The following VPS13A variants were observed in gnomAD, a reference collection of about 807,000 sequenced individuals.
VPS13A encodes the protein vacuolar protein sorting 13 homolog A.
VPS13A carries 264 observed loss-of-function variants against 390.9 expected under a neutral mutation model. The ratio of observed to expected loss-of-function variants is 0.68; its 90% CI spans 0.61 to 0.75. The LOEUF is 0.75. VPS13A is among the 30% of genes least tolerant of loss of function. The pLI is 0.00. For synonymous variants in VPS13A, 1,231 were observed against 1,227.1 expected (o/e 1.00, Z -0.07); for missense variants, 3,409 against 3,733.9 (o/e 0.91, Z 2.27).
Position 77,247,326 on chromosome 9 carries a change from T to A in VPS13A, c.1968T>A (p.Ile656=), listed in dbSNP as rs918529816. ...AAATTAATTTGAAGGCTTCATATAT[T>A]ATTGTCCCACAAGATGGAATTTTTA... ...DLKINLKASY[I]IVPQDGIFSP... is the part of the protein sequence containing the mutation. The change falls in exon 20 of 72, where the codon ATT becomes ATA. Residue 656 remains isoleucine (I), a synonymous_variant. Transcript: ENST00000360280. 67 of 1,611,910 alleles carry A rather than the reference T, an allele frequency of 4.2e-5. No individual in the cohort carries two copies. Among genetic ancestry groups the A allele is most frequent in the Non-Finnish European group, 5.3e-5 (62 of 1,179,000 alleles).
intron 45 of VPS13A, among the ~76,000 whole-genome samples, chr9:77,327,042 T>C (rs1830051444): frequency 1.3e-5 from 2 of 152,200 alleles, no homozygotes; most frequent in South Asian, 4.1e-4. Flanking sequence ...TCAACTTGGC[T>C]GCCTGCTCCT....
At chr9:77,278,063 A>G (rs1826791280) in intron 26 of VPS13A, among the ~76,000 whole-genome samples, 3 of 151,580 alleles carry the variant, frequency 2.0e-5, no homozygotes, top group Admixed American at 2.0e-4. Flanking sequence ...TTTTATTATT[A>G]TTAGTTTTAT....
In VPS13A at chr9:77,308,092, T is replaced by G. The variant is rs1405894036; in HGVS notation, c.4108T>G (p.Ser1370Ala). Residue 1370 changes from serine to alanine, a missense_variant, in exon 35 of 72, where the codon TCA (serine) becomes GCA (alanine). By Grantham distance (99) the Ser-to-Ala change is moderately conservative. This residue lies in a region of VPS13A where 2,717 missense variants were observed against 2,917.4 expected (regional missense o/e 0.93). Coordinates refer to ENST00000360280, the MANE Select transcript of VPS13A (RefSeq NM_033305.3). ...SGVTTNASHH[S>A]GGATVVTAAV... ...AGTTACTACTAATGCTTCACACCATTCAGGAGGTATGTTTTTAACTTCAAA... is the reference window on the plus strand; with the variant it reads ...AGTTACTACTAATGCTTCACACCATGCAGGAGGTATGTTTTTAACTTCAAA... 6.2e-7 allele frequency: 1 copy of G among 1,613,750 alleles called. No homozygotes were observed. Among genetic ancestry groups the G allele is most frequent in the Non-Finnish European group, 8.5e-7 (1 of 1,179,890 alleles).
chr9:77,371,826 C>T (rs1832779078), intron 67 of VPS13A, among the ~76,000 whole-genome samples: 1 of 122,918 alleles, frequency 8.1e-6, no homozygotes, highest in Non-Finnish European at 1.7e-5. Flanking sequence ...CCCCCCACCC[C>T]ACCTGTGATA....
chr9:77,335,051 T>C (rs1000791690), intron 46 of VPS13A, among the ~76,000 whole-genome samples: 2 of 152,200 alleles, frequency 1.3e-5, no homozygotes, highest in African/African-American at 4.8e-5. Flanking sequence ...ATCATAGATA[T>C]TTGACATTTT....
chr9:77,297,571 CT>C (rs1044303471), intron 33 of VPS13A, among the ~76,000 whole-genome samples: 1 of 150,726 alleles, frequency 6.6e-6, no homozygotes, highest in African/African-American at 2.4e-5. Flanking sequence ...TTTTGTCTGT[CT>C]TTTTTTTGGG....
chr9:77,215,276 CT>C lies in VPS13A; in HGVS notation c.754+893del, dbSNP rs1690292939. Among the ~76,000 whole-genome samples the C allele has an allele frequency of 2.6e-5, 4 of 152,298 alleles. No homozygotes were observed. In the East Asian group the frequency reaches 5.8e-4, roughly 22 times the overall value. ...AGAATATCCTTCCTGAAAGTATTTC[CT>C]TTCTTGGCTCAGTGATACTTTTCTG... On this transcript the variant is annotated intron_variant, in intron 10 of 71. Transcript: ENST00000360280.
intron 68 of VPS13A, among the ~76,000 whole-genome samples, chr9:77,401,194 C>A (rs1395740927): frequency 6.6e-6 from 1 of 151,860 alleles, no homozygotes; most frequent in Non-Finnish European, 1.5e-5. Context: ...CAGAGTAGTT[C>A]TTCTCATTCT....
chr9:77,213,774 GA>G (rs1332414944), intron 9 of VPS13A, among the ~76,000 whole-genome samples: 2 of 152,150 alleles, frequency 1.3e-5, no homozygotes, highest in East Asian at 3.9e-4. Flanking sequence ...AAAGTGTTGG[GA>G]TTACAGGTGT....
chr9:77,225,491 C>T (rs557748075), intron 13 of VPS13A, among the ~76,000 whole-genome samples: 6 of 152,166 alleles, frequency 3.9e-5, no homozygotes, highest in African/African-American at 1.4e-4. Flanking sequence ...AGTGATTCGC[C>T]TGCCTCAGCC....
chr9:77,359,607 C>T (rs1007930004), intron 58 of VPS13A, among the ~76,000 whole-genome samples: 2 of 152,028 alleles, frequency 1.3e-5, no homozygotes, highest in East Asian at 1.9e-4. Context: ...CACTTGAGGT[C>T]GGGAGTTCGA....
Position 77,177,683 on chromosome 9 carries a change from G to C in VPS13A, c.-22G>C. 6.2e-7 allele frequency: 1 copy of C among 1,609,378 alleles called. No individual in the cohort carries two copies. The highest frequency in any genetic ancestry group is 8.5e-7 in the Non-Finnish European group (1 of 1,176,990). On this transcript the variant is annotated 5_prime_UTR_variant, in exon 1 of 72. Transcript: ENST00000360280. ...AGGAGGAGCGCACGGGCCGGCTGCC[G>C]TGCCCACCACGGCTGAGGAACATGG...
chr9:77,408,776 G>A (rs1005487015), intron 71 of VPS13A, among the ~76,000 whole-genome samples: 2 of 152,226 alleles, frequency 1.3e-5, no homozygotes, highest in South Asian at 2.1e-4. Context: ...CCAGGCTTGA[G>A]TAGCTAAACA....
At chr9:77,235,805 T>C (rs1033677253) in intron 17 of VPS13A, among the ~76,000 whole-genome samples, 2 of 152,296 alleles carry the variant, frequency 1.3e-5, no homozygotes, top group African/African-American at 4.8e-5. Context: ...TTTGGGCTGC[T>C]TAGATCCTCT....
chr9:77,357,983 T>A (rs1831915165), intron 56 of VPS13A, 145 bp downstream of exon 56: 7 of 719,800 alleles, frequency 9.7e-6, no homozygotes, highest in Non-Finnish European at 1.0e-5. Flanking sequence ...TGAGACAGAG[T>A]CTCCCTCTGT....
intron 7 of VPS13A, among the ~76,000 whole-genome samples, chr9:77,212,066 C>T (rs1481191280): frequency 6.6e-6 from 1 of 152,170 alleles, no homozygotes; most frequent in Non-Finnish European, 1.5e-5. Context: ...CTAGGTGATC[C>T]TAATGCATGC....
intron 71 of VPS13A, among the ~76,000 whole-genome samples, chr9:77,409,520 G>A (rs903664155): frequency 5.3e-5 from 8 of 152,050 alleles, no homozygotes; most frequent in South Asian, 2.1e-4. Context: ...GAGGAAGTTC[G>A]AATCCATGGC....
chr9:77,239,206 G>A (rs1010795647), intron 19 of VPS13A, among the ~76,000 whole-genome samples: 2 of 151,810 alleles, frequency 1.3e-5, no homozygotes, highest in South Asian at 4.2e-4. Flanking sequence ...GGCTGGGCGC[G>A]GTGGCTCACA....
intron 71 of VPS13A, among the ~76,000 whole-genome samples, chr9:77,408,112 C>T (rs1327432206): frequency 6.6e-6 from 1 of 152,180 alleles, no homozygotes; most frequent in Non-Finnish European, 1.5e-5. Flanking sequence ...CAACTAAGCA[C>T]AGTTTCCTCA....
Sources: gnomAD v4.1 joint callset for allele counts (sites outside exome capture counted in the v4.1 genomes callset) on GRCh38, gnomAD v4.1.1 for gene constraint, gnomAD v4.1.1 regional missense constraint, MANE v1.5 for transcripts, NCBI Gene and HGNC (gene_info 2026-07-23, HGNC 2026-07-21) for gene names.